The following BOC variants were observed in gnomAD, a reference collection of about 807,000 sequenced individuals.
BOC encodes brother of CDO.
BOC carries 76 observed loss-of-function variants against 112.0 expected under a neutral mutation model. The ratio of observed to expected loss-of-function variants is 0.68; its 90% CI spans 0.56 to 0.82. The LOEUF is 0.82. Ranked by LOEUF, BOC falls within the 40% of genes least tolerant of loss-of-function variation. The pLI, the probability that BOC is intolerant of heterozygous loss-of-function variation, is 0.00. For synonymous variants in BOC, 580 were observed against 599.8 expected (o/e 0.97, Z 0.48); for missense variants, 1,309 against 1,511.7 (o/e 0.87, Z 2.22).
intron 9 of BOC, among the ~76,000 whole-genome samples, chr3:113,275,790 C>T (rs905469473): frequency 1.3e-5 from 2 of 152,198 alleles, no homozygotes; most frequent in Admixed American, 1.3e-4. Context: ...GTTTCCCTGC[C>T]TTGGAGCCCT....
At chr3:113,231,659 C>T (rs1942632571) in intron 2 of BOC, among the ~76,000 whole-genome samples, 1 of 152,146 alleles carries the variant, frequency 6.6e-6, no homozygotes, top group Non-Finnish European at 1.5e-5. Flanking sequence ...AAAAGGCCTG[C>T]AGTAAAGAAA....
At chr3:113,212,650 G>C (rs1242593930) in intron 1 of BOC, 1 of 152,694 alleles carries the variant, frequency 6.5e-6, no homozygotes, top group Admixed American at 6.5e-5. Context: ...GGCTGAAGCC[G>C]AGTGGCCCGA....
Position 113,284,316 on chromosome 3 carries a change from T to G in BOC, c.2657-19T>G. 6.2e-7 allele frequency: 1 copy of G among 1,608,538 alleles called. No homozygotes were observed. The highest frequency in any genetic ancestry group is 8.5e-7 in the Non-Finnish European group (1 of 1,174,964). On this transcript the variant is annotated intron_variant, in intron 16 of 19. Coordinates refer to ENST00000682979, the MANE Select transcript of BOC (RefSeq NM_001378074.1). The stretch of plus-strand genomic sequence containing the variant: ...GGCTACCTTGGCCTAAGCACACCTT[T>G]ATTTTTCTGTCCTTCCAGAACATAC...
In BOC at chr3:113,272,470, C is replaced by T. The variant is rs1273677231; in HGVS notation, c.728C>T (p.Thr243Ile). 5 of 1,614,018 alleles carry T rather than the reference C, an allele frequency of 3.1e-6. No individual in the cohort carries two copies. Among genetic ancestry groups the T allele is most frequent in the Admixed American group, 1.7e-5 (1 of 60,014 alleles). ...CCAGAGGCCCAAACCATCATCGTCACCAAAGGCCAGAGTCTCATTCTGGAG... is the reference window on the plus strand; with the variant it reads ...CCAGAGGCCCAAACCATCATCGTCATCAAAGGCCAGAGTCTCATTCTGGAG... Reference protein sequence around the residue: ...YPPEAQTIIVTKGQSLILECV... With the variant: ...YPPEAQTIIVIKGQSLILECV... Residue 243 changes from threonine (T) to isoleucine (I), a missense_variant, in exon 7 of 20, where the codon ACC becomes ATC. Thr to Ile is a moderately conservative substitution (Grantham distance 89, BLOSUM62 -1). Coordinates refer to ENST00000682979, the MANE Select transcript of BOC (RefSeq NM_001378074.1).
In BOC at chr3:113,283,635, G is replaced by C; in HGVS notation, c.2656+3G>C. ...GTGGAGGGCCTGGTCTAAGCAAAGT[G>C]AGTGAGTGACGCTTTCAGTGGGAGG... On this transcript the variant is annotated splice_donor_region_variant and intron_variant, in intron 16 of 19. Coordinates refer to ENST00000682979, the MANE Select transcript of BOC (RefSeq NM_001378074.1). 2 of 1,612,164 alleles carry C rather than the reference G, an allele frequency of 1.2e-6. No homozygotes were observed. Among genetic ancestry groups the C allele is most frequent in the Non-Finnish European group, 1.7e-6 (2 of 1,178,620 alleles).
intron 6 of BOC, 146 bp downstream of exon 6, chr3:113,271,090 TTC>T: frequency 8.2e-7 from 1 of 1,221,732 alleles, no homozygotes; most frequent in South Asian, 1.2e-5. Flanking sequence ...CAGCCAGGGG[TTC>T]TCAGCCAGGG....
At chr3:113,285,276 C>G (rs13084974) in intron 18 of BOC, 96 bp from the exon 19 acceptor site, 100,007 of 1,264,462 alleles carry the variant, frequency 0.079, 4,657 homozygotes, top group Middle Eastern at 0.15. Flanking sequence ...CTCACCAGCT[C>G]TGATGCCCTC....
chr3:113,254,707 T>G (rs537559906), intron 4 of BOC, among the ~76,000 whole-genome samples: 121 of 152,332 alleles, frequency 7.9e-4, no homozygotes, highest in African/African-American at 2.7e-3. Flanking sequence ...CTGTCCCATG[T>G]TCATCCTCGC....
At chr3:113,279,183 C>A in intron 11 of BOC, 66 bp from the exon 12 acceptor site, 1 of 1,529,138 alleles carries the variant, frequency 6.5e-7, no homozygotes, top group Non-Finnish European at 9.0e-7. Flanking sequence ...AGCGTCATCT[C>A]ACCCTGCTTC....
At chr3:113,256,752 T>TAC (rs1266352929) in intron 4 of BOC, among the ~76,000 whole-genome samples, 29 of 148,450 alleles carry the variant, frequency 2.0e-4, no homozygotes, top group African/African-American at 7.1e-4. Context: ...CAATAATACA[T>TAC]ATATGTGTGT....
rs557539262 is a variant in BOC, at chr3:113,274,961, A to G, written c.1542+279A>G. ...ATGCACTCAATTCCCAGAAGCTCAC[A>G]CTGGCTTCTAGTCCCTGAGGAGACC... On this transcript the variant is annotated intron_variant, in intron 9 of 19. Transcript: ENST00000682979. The surrounding 1 kb of genome is among the most constrained non-coding windows in gnomAD (Gnocchi z 4.8). 6.6e-6 allele frequency among the ~76,000 whole-genome samples: 1 copy of G among 152,290 alleles called. No homozygotes were observed. The highest frequency in any genetic ancestry group is 1.5e-5 in the Non-Finnish European group (1 of 68,014).
In BOC at chr3:113,274,981, G is replaced by A. The variant is rs1948511775; in HGVS notation, c.1542+299G>A. Among the ~76,000 whole-genome samples the A allele has an allele frequency of 1.3e-5, 2 of 152,160 alleles. No homozygotes were observed. Among genetic ancestry groups the A allele is most frequent in the Admixed American group, 1.3e-4 (2 of 15,278 alleles). The stretch of plus-strand genomic sequence containing the variant: ...CTCACACTGGCTTCTAGTCCCTGAG[G>A]AGACCGTGAACAGTCTCCCTGGTAA... On this transcript the variant is annotated intron_variant, in intron 9 of 19. Transcript: ENST00000682979. The surrounding 1 kb of genome is among the most constrained non-coding windows in gnomAD (Gnocchi z 4.8).
rs546707116 is a variant in BOC, at chr3:113,283,984, C to T, written c.2657-351C>T. ...GCTGCCTTCAGCTTTCCCCTCTATC[C>T]TGGAATCTGACTTTTAGTCACTAAT... is the stretch of plus-strand genomic sequence containing the variant. On this transcript the variant is annotated intron_variant, in intron 16 of 19. Transcript: ENST00000682979. Among the ~76,000 whole-genome samples the T allele has an allele frequency of 6.6e-4, 100 of 152,180 alleles. 1 individual carries two copies. The highest frequency in any genetic ancestry group is 1.5e-3 in the Admixed American group (23 of 15,284).
chr3:113,278,448 C>T lies in BOC; in HGVS notation c.1705+191C>T, dbSNP rs950510425. Among the ~76,000 whole-genome samples, 4 of 152,048 alleles carry T rather than the reference C, an allele frequency of 2.6e-5. No individual in the cohort carries two copies. The highest frequency in any genetic ancestry group is 1.3e-4 in the Admixed American group (2 of 15,270). On this transcript the variant is annotated intron_variant, in intron 10 of 19. Transcript: ENST00000682979. The surrounding 1 kb of genome is among the most constrained non-coding windows in gnomAD (Gnocchi z 4.2). ...AGCTCTCATCAGGAGAGTAGCCAGC[C>T]GGCCTCTCTGGCACCCCTTCATCCC...
intron 18 of BOC, 83 bp from the exon 19 acceptor site, chr3:113,285,289 A>G: frequency 7.1e-7 from 1 of 1,408,148 alleles, no homozygotes; most frequent in Non-Finnish European, 1.0e-6. Flanking sequence ...ATGCCCTCAG[A>G]CAGGGAGACA....
Position 113,283,488 on chromosome 3 carries a change from A to T in BOC, c.2512A>T (p.Ile838Leu). 2 of 1,614,036 alleles carry T rather than the reference A, an allele frequency of 1.2e-6. No homozygotes were observed. Among genetic ancestry groups the T allele is most frequent in the Non-Finnish European group, 1.7e-6 (2 of 1,180,008 alleles). Residue 838 changes from isoleucine (I) to leucine (L), a missense_variant, in exon 16 of 20, where the codon ATA becomes TTA. Physicochemically the swap from Ile to Leu is conservative, Grantham distance 5. Transcript: ENST00000682979. Reference protein sequence around the residue: ...APPQPPLPETIERPVGTGAMV... With the variant: ...APPQPPLPETLERPVGTGAMV... ...ACCACAGCCGCCCCTTCCTGAAACC[A>T]TAGAGCGGCCGGTGGGCACTGGGGC...
At chr3:113,212,527 G>A (rs910596383) in intron 1 of BOC, 1 of 152,238 alleles carries the variant, frequency 6.6e-6, no homozygotes, top group South Asian at 2.1e-4. Flanking sequence ...GGAGGGTGAG[G>A]GTTTCTCATA....
intron 11 of BOC, 98 bp from the exon 12 acceptor site, chr3:113,279,151 A>G: frequency 8.0e-7 from 1 of 1,249,062 alleles, no homozygotes; most frequent in Non-Finnish European, 1.1e-6. Flanking sequence ...CGTCAGGAGC[A>G]GGCCAGGCCC....
At chr3:113,216,307 C>T (rs1212419578) in intron 2 of BOC, 33 bp downstream of exon 2, 2 of 455,948 alleles carry the variant, frequency 4.4e-6, no homozygotes, top group Non-Finnish European at 8.8e-6. Context: ...TCTGATAGCT[C>T]TGGCCTATTA....
Sources: gnomAD v4.1 joint callset for allele counts (sites outside exome capture counted in the v4.1 genomes callset) on GRCh38, gnomAD v4.1.1 for gene constraint, Gnocchi (gnomAD v3.1) non-coding constraint, MANE v1.5 for transcripts, NCBI Gene and HGNC (gene_info 2026-07-23, HGNC 2026-07-21) for gene names.